TTBK2: variants seen among roughly 807,000 people sequenced by gnomAD.
TTBK2 encodes tau tubulin kinase 2.
TTBK2 carries 28 observed loss-of-function variants against 110.8 expected under a neutral mutation model. The observed-to-expected ratio is 0.25, with a 90% CI of 0.19 to 0.35. The LOEUF (loss-of-function observed/expected upper bound fraction) is 0.35, where lower values mean the gene tolerates loss of function less well. Ranked by LOEUF, TTBK2 falls within the 10% of genes least tolerant of loss-of-function variation. TTBK2 has a pLI of 1.00. For synonymous variants in TTBK2, 532 were observed against 527.3 expected, an observed-to-expected ratio of 1.01 and a Z score of -0.12; for missense variants, 1,369 against 1,500.3, an observed-to-expected ratio of 0.91 and a Z score of 1.45.
At chr15:42,821,186 G>C (rs1892280042) in intron 6 of TTBK2, among the ~76,000 whole-genome samples, 1 of 152,132 alleles carries the variant, frequency 6.6e-6, no homozygotes, top group Admixed American at 6.6e-5. Flanking sequence ...ATGTTCATTT[G>C]TATTTATTGT....
At chr15:42,776,701 T>C (rs1343258186) in intron 12 of TTBK2, among the ~76,000 whole-genome samples, 1 of 152,196 alleles carries the variant, frequency 6.6e-6, no homozygotes, top group Non-Finnish European at 1.5e-5. Flanking sequence ...AGCACTACAC[T>C]GTTGTGTGGA....
intron 9 of TTBK2, among the ~76,000 whole-genome samples, chr15:42,809,722 C>G (rs955246730): frequency 6.6e-6 from 1 of 152,184 alleles, no homozygotes. Flanking sequence ...ACAAACTCAC[C>G]AATTTAAGGT....
chr15:42,788,904 TC>T (rs1890523084), intron 10 of TTBK2, among the ~76,000 whole-genome samples: 3 of 152,324 alleles, frequency 2.0e-5, no homozygotes, highest in African/African-American at 4.8e-5. Context: ...GTATTTTACT[TC>T]CTTAAATTGT....
chr15:42,809,122 T>C (rs985963930), intron 9 of TTBK2, among the ~76,000 whole-genome samples: 1 of 152,254 alleles, frequency 6.6e-6, no homozygotes, highest in African/African-American at 2.4e-5. Context: ...CTTTTTTCAA[T>C]TATCCTTCTC....
intron 10 of TTBK2, among the ~76,000 whole-genome samples, chr15:42,788,590 T>G (rs1890510156): frequency 6.6e-6 from 1 of 152,204 alleles, no homozygotes; most frequent in African/African-American, 2.4e-5. Context: ...TAAATATTAA[T>G]AAATTTTGTA....
intron 13 of TTBK2, among the ~76,000 whole-genome samples, chr15:42,762,908 A>T (rs2140665580): frequency 6.7e-6 from 1 of 150,300 alleles, no homozygotes; most frequent in South Asian, 2.1e-4. Context: ...TGAGGAAGCT[A>T]AAAAAAAGTT....
intron 3 of TTBK2, among the ~76,000 whole-genome samples, chr15:42,869,052 G>A (rs755700085): frequency 1.4e-4 from 21 of 151,956 alleles, no homozygotes; most frequent in Non-Finnish European, 2.4e-4. Flanking sequence ...GAAATCAAAG[G>A]AGAGAAGTGT....
Position 42,810,574 on chromosome 15 carries a change from G to A in TTBK2, c.822+40C>T, listed in dbSNP as rs80068952. The A allele has an allele frequency of 1.3e-3, 2,135 of 1,611,658 alleles. 19 individuals are homozygous for A. In the African/African-American group the frequency reaches 0.02, roughly 15 times the overall value. On this transcript the variant is annotated intron_variant, in intron 9 of 14. Transcript: ENST00000267890. ...CAATGAGTGAAAGCATAGACTAAGA[G>A]AGAAAATAACTAACCCACAGAACTC...
At chr15:42,826,968 C>G (rs749688971) in intron 6 of TTBK2, among the ~76,000 whole-genome samples, 19 of 152,218 alleles carry the variant, frequency 1.2e-4, no homozygotes, top group Admixed American at 3.9e-4. Flanking sequence ...TGATCAAACA[C>G]TGACTTCAGA....
At chr15:42,814,123 G>T (rs1255571867) in intron 7 of TTBK2, among the ~76,000 whole-genome samples, 1 of 151,850 alleles carries the variant, frequency 6.6e-6, no homozygotes, top group African/African-American at 2.4e-5. Context: ...CCAGGTTCCA[G>T]CAATTCTCCT....
chr15:42,894,130 G>A (rs1440683593), intron 1 of TTBK2, among the ~76,000 whole-genome samples: 1 of 152,168 alleles, frequency 6.6e-6, no homozygotes, highest in East Asian at 1.9e-4. Flanking sequence ...ATAAAAGGCA[G>A]TTCCCCTGCA....
intron 3 of TTBK2, among the ~76,000 whole-genome samples, chr15:42,872,131 T>C (rs1415394896): frequency 6.6e-6 from 1 of 152,074 alleles, no homozygotes; most frequent in East Asian, 1.9e-4. Flanking sequence ...CCAGAAACAG[T>C]TATTCTCTGA....
At position 42,749,013 on chromosome 15, in the gene TTBK2, T is replaced by C. The variant is rs143156513; in HGVS notation, c.3273-2756A>G. ...AGCATTTGACATCATAATGGCATTA[T>C]GGGACATAATGGGATTCTGACTGAA... On this transcript the variant is annotated intron_variant, in intron 14 of 14. Transcript: ENST00000267890. Among the ~76,000 whole-genome samples the C allele has an allele frequency of 8.3e-4, 126 of 152,330 alleles. 1 individual carries two copies. The highest frequency in any genetic ancestry group is 2.9e-3 in the African/African-American group (119 of 41,574).
At chr15:42,777,283 G>A in intron 11 of TTBK2, 41 bp from the exon 12 acceptor site, 1 of 1,584,544 alleles carries the variant, frequency 6.3e-7, no homozygotes, top group Non-Finnish European at 8.6e-7. Flanking sequence ...AACATTCTAG[G>A]CAACACACAT....
chr15:42,833,160 T>C (rs1474563555), intron 4 of TTBK2, among the ~76,000 whole-genome samples: 3 of 149,126 alleles, frequency 2.0e-5, no homozygotes, highest in Non-Finnish European at 4.4e-5. Context: ...CACATGTTTA[T>C]CTATGTAACA....
At position 42,739,039 on chromosome 15, in the gene TTBK2, CAG is replaced by C. The variant is rs2061733975; in HGVS notation, c.*6754_*6755del. 1 of 152,062 alleles carries C rather than the reference CAG, an allele frequency of 6.6e-6. No homozygotes were observed. Among genetic ancestry groups the C allele is most frequent in the African/African-American group, 2.4e-5 (1 of 41,406 alleles). 9.4% of individuals were successfully genotyped at this position (152,062 alleles called of 1,614,324 possible). On this transcript the variant is annotated 3_prime_UTR_variant, in exon 15 of 15. Transcript: ENST00000267890. ...AATAAAATACAAAATAATTTTAAAACAGAACTTAAAACACTGTACAAAGCTTT... is the reference window on the plus strand; with the variant it reads ...AATAAAATACAAAATAATTTTAAAACAACTTAAAACACTGTACAAAGCTTT...
At chr15:42,906,202 A>G (rs2030388960) in intron 1 of TTBK2, among the ~76,000 whole-genome samples, 1 of 152,040 alleles carries the variant, frequency 6.6e-6, no homozygotes, top group Admixed American at 6.6e-5. Flanking sequence ...AAAAAAAAGC[A>G]GTCATTACTT....
rs180991981 is a variant in TTBK2 at position 42,895,922 on chromosome 15, C to T, written c.-67-17238G>A. On this transcript the variant is annotated intron_variant, in intron 1 of 14. Coordinates refer to ENST00000267890, the MANE Select transcript of TTBK2 (RefSeq NM_173500.4). The stretch of plus-strand genomic sequence containing the variant: ...ACCCCATACCCATTAGCAGTCACTC[C>T]CCATTCCCTTCTTCTCTCAGCCCCT... Among the ~76,000 whole-genome samples the T allele has an allele frequency of 1.4e-4, 22 of 152,246 alleles. No individual in the cohort carries two copies. The East Asian group carries it at 2.9e-3, about 20-fold the overall frequency.
chr15:42,765,362 A>G (rs1889311356), intron 13 of TTBK2, among the ~76,000 whole-genome samples: 1 of 152,190 alleles, frequency 6.6e-6, no homozygotes. Flanking sequence ...GGAAGCTAAA[A>G]ACCTTGAAAA....
Sources: gnomAD v4.1 joint callset for allele counts (sites outside exome capture counted in the v4.1 genomes callset) on GRCh38, gnomAD v4.1.1 for gene constraint, MANE v1.5 for transcripts, NCBI Gene and HGNC (gene_info 2026-07-23, HGNC 2026-07-21) for gene names.